The following EPC2 variants were observed in gnomAD, a reference collection of about 807,000 sequenced individuals.
The protein encoded by EPC2 is enhancer of polycomb homolog 2.
A neutral mutation model predicts 92.1 loss-of-function variants in EPC2; 14 were observed. The ratio of observed to expected loss-of-function variants is 0.15; its 90% CI spans 0.10 to 0.24. The LOEUF (loss-of-function observed/expected upper bound fraction) is 0.24, where lower values mean the gene tolerates loss of function less well. Ranked by LOEUF, EPC2 falls within the 10% of genes least tolerant of loss-of-function variation. The pLI, the probability that EPC2 is intolerant of heterozygous loss-of-function variation, is 1.00. For missense variants in EPC2, 755 were observed against 971.5 expected, an observed-to-expected ratio of 0.78 and a Z score of 2.96; for synonymous variants, 340 against 334.7, an observed-to-expected ratio of 1.02 and a Z score of -0.17.
rs1273663812 is a variant in EPC2 at position 148,645,276 on chromosome 2, C to T, written c.153+106C>T. On this transcript the variant is annotated intron_variant, in intron 1 of 13. Transcript: ENST00000258484. ...GCTTTACGCTCGCTGGAGGGCGCCG[C>T]TGCCGCTCTAACGCACGGGACTCTA... is the stretch of plus-strand genomic sequence containing the variant. The T allele has an allele frequency of 6.7e-6, 7 of 1,045,640 alleles. No homozygotes were observed. The South Asian group carries it at 9.7e-5, about 15-fold the overall frequency. 64.8% of individuals were successfully genotyped at this position (1,045,640 alleles called of 1,614,324 possible).
chr2:148,670,985 C>G (rs995106378), intron 1 of EPC2, among the ~76,000 whole-genome samples: 2 of 152,140 alleles, frequency 1.3e-5, no homozygotes, highest in African/African-American at 2.4e-5. Flanking sequence ...CACCCAGCCC[C>G]TATTCTTTCT....
At chr2:148,724,439 C>A (rs72862699) in intron 2 of EPC2, among the ~76,000 whole-genome samples, 1 of 152,156 alleles carries the variant, frequency 6.6e-6, no homozygotes, top group Non-Finnish European at 1.5e-5. Flanking sequence ...CTTATGCCAC[C>A]TATCTAGCTG....
In EPC2 at chr2:148,753,971, T is replaced by C. The variant is rs1683127941; in HGVS notation, c.504T>C (p.Asp168=). The C allele has an allele frequency of 1.2e-6, 2 of 1,612,078 alleles. No homozygotes were observed. The highest frequency in any genetic ancestry group is 1.3e-5 in the African/African-American group (1 of 74,918). Residue 168 remains aspartate (D), a synonymous_variant, in exon 4 of 14, where the codon GAT becomes GAC. Transcript: ENST00000258484. ...CAAAACTGCTGCTAAACGAAGATGA[T>C]TACCTTATTAAAGCTGTATATGACT... The part of the protein sequence containing the change: ...QEAKLLLNED[D]YLIKAVYDYW...
chr2:148,709,950 G>T (rs1682099654), intron 2 of EPC2, among the ~76,000 whole-genome samples: 1 of 152,162 alleles, frequency 6.6e-6, no homozygotes, highest in Non-Finnish European at 1.5e-5. Context: ...AGGAATTCAT[G>T]ACTAAAACAC....
In EPC2 at chr2:148,762,186, TTTTA is replaced by T. The variant is rs1683313420; in HGVS notation, c.815+261_815+264del. 4 of 242,844 alleles carry T rather than the reference TTTTA, an allele frequency of 1.6e-5. No individual in the cohort carries two copies. In the South Asian group the frequency reaches 3.4e-4, roughly 21 times the overall value. 15.0% of individuals were successfully genotyped at this position (242,844 alleles called of 1,614,324 possible). A position where few individuals can be genotyped will look rare whatever the true frequency, so the allele number is the denominator to read the frequency against. ...ATTTTGTTTTGGCAGAATCATTGAA[TTTTA>T]TTTAGTAAAGAACTCTAGTGATCAT... On this transcript the variant is annotated intron_variant, in intron 5 of 13. Transcript: ENST00000258484.
intron 1 of EPC2, among the ~76,000 whole-genome samples, chr2:148,686,396 T>C (rs1389613949): frequency 6.6e-6 from 1 of 152,242 alleles, no homozygotes; most frequent in Non-Finnish European, 1.5e-5. Flanking sequence ...TTACTTCCTT[T>C]ACTGAAGTCT....
chr2:148,673,177 T>G (rs1161463606), intron 1 of EPC2, among the ~76,000 whole-genome samples: 4 of 152,216 alleles, frequency 2.6e-5, no homozygotes, highest in Non-Finnish European at 5.9e-5. Context: ...TGTGTGTTGT[T>G]GGGCTATTCT....
chr2:148,676,981 C>T (rs369444887), intron 1 of EPC2, among the ~76,000 whole-genome samples: 2 of 152,074 alleles, frequency 1.3e-5, no homozygotes, highest in South Asian at 4.2e-4. Flanking sequence ...TTTTTAAAAG[C>T]CTAGTAACCT....
At position 148,783,683 on chromosome 2, in the gene EPC2, T is replaced by A. The variant is rs1261202648; in HGVS notation, c.1944T>A (p.Val648=). Residue 648 remains valine, a synonymous_variant, in exon 12 of 14, where the codon GTT becomes GTA. Coordinates refer to ENST00000258484, the MANE Select transcript of EPC2 (RefSeq NM_015630.4). ...FAASAVVSAP[V]PSRSEVAKEQ... The stretch of plus-strand genomic sequence containing the variant: ...CATCTGCAGTGGTCAGTGCACCTGT[T>A]CCAAGTCGCAGTGAGGTAGCCAAGG... The A allele has an allele frequency of 3.8e-6, 6 of 1,597,904 alleles. No individual in the cohort carries two copies. Among genetic ancestry groups the A allele is most frequent in the South Asian group, 1.1e-5 (1 of 88,188 alleles).
In EPC2 at chr2:148,656,001, C is replaced by CTGTGTTTGTG. The variant is rs777687880; in HGVS notation, c.153+10836_153+10837insTTGTGTGTGT. On this transcript the variant is annotated intron_variant, in intron 1 of 13. Coordinates refer to ENST00000258484, the MANE Select transcript of EPC2 (RefSeq NM_015630.4). ...ACGCTACAGAGGCAGCTGCTGTTAG[C>CTGTGTTTGTG]TGTGTGTGTGTGTGTGTGTGTGTGG... 6.3e-3 allele frequency among the ~76,000 whole-genome samples: 379 copies of CTGTGTTTGTG among 59,932 alleles called. 23 individuals carry two copies. The highest frequency in any genetic ancestry group is 0.021 in the African/African-American group (327 of 15,556). 39.3% of individuals were successfully genotyped at this position (59,932 alleles called of 152,430 possible).
In EPC2 at chr2:148,777,786, T is replaced by TAG. The variant is rs1683674723; in HGVS notation, c.1721-3857_1721-3856insGA. 4.6e-5 allele frequency among the ~76,000 whole-genome samples: 7 copies of TAG among 152,226 alleles called. No homozygotes were observed. The South Asian group carries it at 1.2e-3, about 27-fold the overall frequency. ...TCTGCTTTCCAAGGATGGTGACAGA[T>TAG]ACCTAAGAAAAGGCATATGGATTTA... On this transcript the variant is annotated intron_variant, in intron 10 of 13. Coordinates refer to ENST00000258484, the MANE Select transcript of EPC2 (RefSeq NM_015630.4).
intron 3 of EPC2, among the ~76,000 whole-genome samples, chr2:148,752,617 A>T (rs1215266307): frequency 6.6e-6 from 1 of 152,190 alleles, no homozygotes; most frequent in East Asian, 1.9e-4. Flanking sequence ...AATGCACTAA[A>T]TGTAATTGTG....
chr2:148,671,014 G>A (rs1681143255), intron 1 of EPC2, among the ~76,000 whole-genome samples: 1 of 152,120 alleles, frequency 6.6e-6, no homozygotes, highest in Admixed American at 6.5e-5. Flanking sequence ...ACTAATACAT[G>A]AACAATTTTT....
intron 1 of EPC2, among the ~76,000 whole-genome samples, chr2:148,653,441 G>A (rs1007331661): frequency 1.3e-5 from 2 of 152,146 alleles, no homozygotes; most frequent in Admixed American, 6.5e-5. Context: ...TCGATTATTT[G>A]CCTTGTCTAT....
chr2:148,645,061 A>G lies in EPC2; in HGVS notation c.44A>G (p.Lys15Arg), dbSNP rs1683764902. 2 of 1,575,034 alleles carry G rather than the reference A, an allele frequency of 1.3e-6. No homozygotes were observed. Among genetic ancestry groups the G allele is most frequent in the Non-Finnish European group, 1.7e-6 (2 of 1,159,072 alleles). Residue 15 changes from lysine (K) to arginine (R), a missense_variant, in exon 1 of 14, where the codon AAG becomes AGG. This residue lies in a region of EPC2 where 36 missense variants were observed against 84.0 expected (regional missense o/e 0.43). Coordinates refer to ENST00000258484, the MANE Select transcript of EPC2 (RefSeq NM_015630.4). ...SFRARALDAAKPLPIYRGKDM... is the reference protein window; with the variant it reads ...SFRARALDAARPLPIYRGKDM... ...CGAGCGCGGGCGCTGGACGCCGCCA[A>G]GCCGCTGCCTATCTACCGCGGCAAG...
chr2:148,748,704 T>C lies in EPC2; in HGVS notation c.459+4937T>C, dbSNP rs180741272. On this transcript the variant is annotated intron_variant, in intron 3 of 13. Transcript: ENST00000258484. ...CAGTCTGAAGGTAATTTTTTTACAA[T>C]ATTTTAAATAATTTTGTGAATGAAA... 2.0e-5 allele frequency among the ~76,000 whole-genome samples: 3 copies of C among 152,230 alleles called. No homozygotes were observed. In the East Asian group the frequency reaches 5.8e-4, roughly 29 times the overall value.
chr2:148,762,553 A>G (rs1683323787), intron 5 of EPC2, 117 bp from the exon 6 acceptor site: 1 of 716,350 alleles, frequency 1.4e-6, no homozygotes, highest in African/African-American at 1.8e-5. Context: ...TTTAAAAGTA[A>G]TTTGATTGTT....
intron 1 of EPC2, among the ~76,000 whole-genome samples, chr2:148,658,239 G>A (rs778359880): frequency 5.3e-5 from 8 of 152,088 alleles, no homozygotes; most frequent in Non-Finnish European, 8.8e-5. Flanking sequence ...TGTTACACAT[G>A]TATTTTCTCC....
chr2:148,662,096 G>A (rs1359325878), intron 1 of EPC2, among the ~76,000 whole-genome samples: 3 of 152,194 alleles, frequency 2.0e-5, no homozygotes, highest in African/African-American at 7.2e-5. Flanking sequence ...TCAGAGAAAT[G>A]CAAATCAAAA....
Sources: gnomAD v4.1 joint callset for allele counts (sites outside exome capture counted in the v4.1 genomes callset) on GRCh38, gnomAD v4.1.1 for gene constraint, gnomAD v4.1.1 regional missense constraint, MANE v1.5 for transcripts, NCBI Gene and HGNC (gene_info 2026-07-23, HGNC 2026-07-21) for gene names.